Variants in FLYWCH1 observed in about 807,000 individuals in gnomAD.
FLYWCH1 encodes FLYWCH-type zinc finger-containing protein 1.
A neutral mutation model predicts 66.4 loss-of-function variants in FLYWCH1; 75 were observed. The ratio of observed to expected loss-of-function variants is 1.13; its 90% CI spans 0.94 to 1.37. FLYWCH1 has a LOEUF of 1.37. Ranked by LOEUF, FLYWCH1 falls within the 40% of genes most tolerant of loss-of-function variation. FLYWCH1 has a pLI of 0.00. For synonymous variants in FLYWCH1, 595 were observed against 429.9 expected (o/e 1.38, Z -4.75); for missense variants, 1,334 against 1,001.8 (o/e 1.33, Z -4.48).
At chr16:2,940,511 C>T (rs1019025995) in intron 9 of FLYWCH1, among the ~76,000 whole-genome samples, 11 of 152,212 alleles carry the variant, frequency 7.2e-5, no homozygotes, top group African/African-American at 2.4e-4. Flanking sequence ...TCTCAGCTCA[C>T]TGCAAACTCT....
intron 9 of FLYWCH1, among the ~76,000 whole-genome samples, chr16:2,944,760 T>C (rs948712328): frequency 6.6e-6 from 1 of 150,866 alleles, no homozygotes; most frequent in African/African-American, 2.4e-5. Context: ...AGGTGGAGGT[T>C]GCAGTGAGCT....
chr16:2,945,855 A>G (rs187626015), intron 9 of FLYWCH1, among the ~76,000 whole-genome samples: 163 of 151,050 alleles, frequency 1.1e-3, no homozygotes, highest in Non-Finnish European at 1.7e-3. Context: ...AAATTAGCCG[A>G]GCGTGGTGGC....
rs2070750744 is a variant in FLYWCH1, at chr16:2,931,224, AC to A, written c.796+347del. 2.7e-5 allele frequency among the ~76,000 whole-genome samples: 4 copies of A among 148,446 alleles called. No homozygotes were observed. The Admixed American group carries it at 2.7e-4, about 10-fold the overall frequency. On this transcript the variant is annotated intron_variant, in intron 4 of 9. Transcript: ENST00000253928. ...AGACTGAGGCAGGAGAATCGCTTGA[AC>A]CCAGGAGGCAGAGGTTGCAGTAAGC...
intron 6 of FLYWCH1, among the ~76,000 whole-genome samples, chr16:2,934,409 T>C (rs1347944320): frequency 6.6e-6 from 1 of 152,244 alleles, no homozygotes; most frequent in Non-Finnish European, 1.5e-5. Flanking sequence ...CTCGGCCCGC[T>C]GTTCCATAGA....
chr16:2,930,944 GC>G, intron 4 of FLYWCH1, 64 bp downstream of exon 4: 1 of 1,280,468 alleles, frequency 7.8e-7, no homozygotes, highest in South Asian at 1.4e-5. Context: ...CCCTTCCTCA[GC>G]CCAAATAGAA....
intron 2 of FLYWCH1, among the ~76,000 whole-genome samples, chr16:2,917,588 A>G (rs2070216349): frequency 6.6e-6 from 1 of 151,916 alleles, no homozygotes; most frequent in African/African-American, 2.4e-5. Context: ...AGTAAATGAG[A>G]TGATGTAGAT....
chr16:2,922,676 G>A, intron 2 of FLYWCH1: 1 of 456,992 alleles, frequency 2.2e-6, no homozygotes, highest in South Asian at 1.7e-5. Context: ...TCTCCATTTT[G>A]TTGGCCACAC....
chr16:2,939,240 G>C (rs2071155964), intron 8 of FLYWCH1, among the ~76,000 whole-genome samples: 1 of 152,162 alleles, frequency 6.6e-6, no homozygotes, highest in Non-Finnish European at 1.5e-5. Flanking sequence ...GAGGTCAGGA[G>C]TTCGAGACCA....
chr16:2,945,487 A>AG, intron 9 of FLYWCH1, among the ~76,000 whole-genome samples: 1 of 64,142 alleles, frequency 1.6e-5, no homozygotes, highest in East Asian at 2.7e-4. Flanking sequence ...CTCCATCTCA[A>AG]AAAAAAAAAA....
intron 2 of FLYWCH1, among the ~76,000 whole-genome samples, chr16:2,919,565 A>AT (rs2070296168): frequency 1.3e-5 from 2 of 151,640 alleles, no homozygotes; most frequent in African/African-American, 2.4e-5. Flanking sequence ...CGTCTGGCCT[A>AT]TTTTTTGTTT....
chr16:2,914,189 A>G lies in FLYWCH1; in HGVS notation c.-174A>G, dbSNP rs1391332715. 6.6e-6 allele frequency: 1 copy of G among 152,290 alleles called. No homozygotes were observed. Among genetic ancestry groups the G allele is most frequent in the African/African-American group, 2.4e-5 (1 of 41,464 alleles). 9.4% of individuals were successfully genotyped at this position (152,290 alleles called of 1,614,324 possible). A position where few individuals can be genotyped will look rare whatever the true frequency, so the allele number is the denominator to read the frequency against. On this transcript the variant is annotated 5_prime_UTR_variant, in exon 2 of 10. Coordinates refer to ENST00000253928, the MANE Select transcript of FLYWCH1 (RefSeq NM_001308068.2). ...CTTTCTTCACAGGTGAAACCAGCCC[A>G]GAGAAGTTACGGGATTTGCCCCCGG...
chr16:2,923,063 G>A, intron 2 of FLYWCH1: 1 of 420,412 alleles, frequency 2.4e-6, no homozygotes. Context: ...TGGCTGTTGT[G>A]CGGATCTATT....
chr16:2,942,858 C>T (rs913371673), intron 9 of FLYWCH1, among the ~76,000 whole-genome samples: 7 of 151,502 alleles, frequency 4.6e-5, no homozygotes, highest in Admixed American at 1.3e-4. Context: ...CGCACCACCA[C>T]GCTCAGCTAA....
intron 2 of FLYWCH1, among the ~76,000 whole-genome samples, chr16:2,925,418 G>A (rs890964370): frequency 1.3e-5 from 2 of 149,608 alleles, no homozygotes; most frequent in African/African-American, 2.4e-5. Flanking sequence ...AGCCTCACCC[G>A]GTCCCACCCG....
intron 2 of FLYWCH1, chr16:2,922,876 A>G (rs2070424043): frequency 7.6e-6 from 4 of 524,228 alleles, no homozygotes; most frequent in Admixed American, 3.9e-5. Flanking sequence ...TGGCAGACTC[A>G]GTGGTCGGTG....
chr16:2,945,960 G>A (rs2071469702), intron 9 of FLYWCH1, among the ~76,000 whole-genome samples: 1 of 151,928 alleles, frequency 6.6e-6, no homozygotes, highest in Non-Finnish European at 1.5e-5. Flanking sequence ...TTGCGACACT[G>A]CACTCCAGCC....
At chr16:2,928,640 G>A (rs761358270) in intron 2 of FLYWCH1, among the ~76,000 whole-genome samples, 12 of 152,102 alleles carry the variant, frequency 7.9e-5, no homozygotes, top group South Asian at 6.2e-4. Flanking sequence ...ATTTTTCTTC[G>A]TACAGATCAA....
Position 2,933,587 on chromosome 16 carries a change from G to A in FLYWCH1, c.1249+5G>A, listed in dbSNP as rs200584939. On this transcript the variant is annotated splice_donor_5th_base_variant and intron_variant, in intron 5 of 9. Transcript: ENST00000253928. ...AGGACATGGACGCAGACCCGGGTGA[G>A]CTGCCTTCCTTTGGGGCTCACCGGC... 9 of 1,581,066 alleles carry A rather than the reference G, an allele frequency of 5.7e-6. No homozygotes were observed. The Admixed American group carries it at 1.2e-4, about 22-fold the overall frequency.
rs199520906 is a variant in FLYWCH1, at chr16:2,933,243, T to C, written c.910T>C (p.Cys304Arg). 4 of 1,613,514 alleles carry C rather than the reference T, an allele frequency of 2.5e-6. No homozygotes were observed. Among genetic ancestry groups the C allele is most frequent in the East Asian group, 2.2e-5 (1 of 44,800 alleles). ...TGTCGGGGACAAGGTGTATTGGACC[T>C]GCCGGGACCACGCGCTGCACGGCTG... ...KAVGDKVYWTCRDHALHGCRS... is the reference protein window; with the variant it reads ...KAVGDKVYWTRRDHALHGCRS... The change falls in exon 5 of 10, where the codon TGC becomes CGC. Residue 304 changes from cysteine to arginine, a missense_variant. Transcript: ENST00000253928.
Sources: gnomAD v4.1 joint callset for allele counts (sites outside exome capture counted in the v4.1 genomes callset) on GRCh38, gnomAD v4.1.1 for gene constraint, MANE v1.5 for transcripts, NCBI Gene and HGNC (gene_info 2026-07-23, HGNC 2026-07-21) for gene names.